Variants in PLXDC2 observed in about 807,000 individuals in gnomAD.
The protein encoded by PLXDC2 is plexin domain containing 2, also known as plexin domain-containing protein 2.
In PLXDC2, 40 loss-of-function variants were observed where a neutral mutation model predicts 68.9. The observed-to-expected ratio is 0.58, with a 90% confidence interval of 0.45 to 0.76. PLXDC2 has a LOEUF of 0.76. Ranked by LOEUF, PLXDC2 falls within the 30% of genes least tolerant of loss-of-function variation. The pLI is 0.00. For synonymous variants in PLXDC2, 243 were observed against 234.2 expected, an observed-to-expected ratio of 1.04 and a Z score of -0.34; for missense variants, 644 against 661.9, an observed-to-expected ratio of 0.97 and a Z score of 0.30.
chr10:20,243,435 A>G (rs921310367), intron 12 of PLXDC2, among the ~76,000 whole-genome samples: 1 of 152,212 alleles, frequency 6.6e-6, no homozygotes, highest in Non-Finnish European at 1.5e-5. Flanking sequence ...TTTCTGTTAC[A>G]TAAGGGAAAT....
rs186946730 is a variant in PLXDC2, at chr10:20,223,335, T to C, written c.1312+4233T>C. ...GAATTTTTTTTTTTTTTTTTTGAGA[T>C]GGAGTCTCGCACTGTCCCCCCGGCT... On this transcript the variant is annotated intron_variant, in intron 12 of 13. Transcript: ENST00000377252. Among the ~76,000 whole-genome samples the C allele has an allele frequency of 5.4e-4, 70 of 129,924 alleles. No homozygotes were observed. In the East Asian group the frequency reaches 0.015, roughly 28 times the overall value. The allele number at this position is 129,924 out of a possible 152,430, so 85.2% of individuals were successfully genotyped here.
At chr10:20,119,567 G>C (rs968943354) in intron 4 of PLXDC2, among the ~76,000 whole-genome samples, 2 of 145,924 alleles carry the variant, frequency 1.4e-5, no homozygotes, top group African/African-American at 4.9e-5. Context: ...AGGTCACAGG[G>C]AATATGATGG....
At chr10:19,824,499 C>A (rs1037356093) in intron 1 of PLXDC2, among the ~76,000 whole-genome samples, 1 of 152,172 alleles carries the variant, frequency 6.6e-6, no homozygotes, top group Non-Finnish European at 1.5e-5. Flanking sequence ...TGAATTCCAG[C>A]CCTTTGGCTT....
chr10:19,820,288 C>T (rs1836439116), intron 1 of PLXDC2, among the ~76,000 whole-genome samples: 1 of 152,154 alleles, frequency 6.6e-6, no homozygotes, highest in African/African-American at 2.4e-5. Context: ...TAATTTTGCT[C>T]CAGACAGGTT....
intron 9 of PLXDC2, among the ~76,000 whole-genome samples, chr10:20,178,168 A>G (rs995151440): frequency 3.9e-5 from 6 of 152,176 alleles, no homozygotes; most frequent in African/African-American, 1.4e-4. Flanking sequence ...GATATAATCT[A>G]ATACAAAAAT....
chr10:20,124,696 G>T (rs974104274), intron 4 of PLXDC2, among the ~76,000 whole-genome samples: 3 of 151,798 alleles, frequency 2.0e-5, no homozygotes, highest in Admixed American at 1.3e-4. Context: ...GGAAAAAGGG[G>T]GTTGTTCTCT....
chr10:20,001,731 T>G (rs1184763192), intron 1 of PLXDC2, 44 bp from the exon 2 acceptor site: 4 of 1,564,758 alleles, frequency 2.6e-6, no homozygotes, highest in Non-Finnish European at 3.5e-6. Context: ...GCATGTATGG[T>G]ACACATAATG....
At chr10:20,271,529 A>G (rs1835940727) in intron 13 of PLXDC2, among the ~76,000 whole-genome samples, 1 of 152,206 alleles carries the variant, frequency 6.6e-6, no homozygotes, top group Non-Finnish European at 1.5e-5. Context: ...ATTCTTTGAC[A>G]CTGGGTGAAC....
At chr10:20,251,879 A>G (rs2119347852) in intron 13 of PLXDC2, among the ~76,000 whole-genome samples, 1 of 152,258 alleles carries the variant, frequency 6.6e-6, no homozygotes, top group South Asian at 2.1e-4. Flanking sequence ...GAAATTGATA[A>G]GAACCTCATG....
intron 1 of PLXDC2, among the ~76,000 whole-genome samples, chr10:19,996,427 A>T (rs912204264): frequency 6.6e-6 from 1 of 152,130 alleles, no homozygotes; most frequent in Non-Finnish European, 1.5e-5. Context: ...ACAAAAAATA[A>T]AATTAAAAAT....
intron 2 of PLXDC2, among the ~76,000 whole-genome samples, chr10:20,013,602 G>C (rs1835153583): frequency 6.6e-6 from 1 of 152,012 alleles, no homozygotes; most frequent in Admixed American, 6.5e-5. Context: ...TACTAGTTCT[G>C]TCATTTAAAA....
chr10:20,196,616 A>G (rs542120678), intron 9 of PLXDC2, among the ~76,000 whole-genome samples: 1 of 152,304 alleles, frequency 6.6e-6, no homozygotes, highest in Non-Finnish European at 1.5e-5. Flanking sequence ...TAGATAGCAG[A>G]GAGAGATACC....
At chr10:20,135,193 C>T (rs186743506) in intron 4 of PLXDC2, among the ~76,000 whole-genome samples, 7 of 152,240 alleles carry the variant, frequency 4.6e-5, no homozygotes, top group East Asian at 1.9e-4. Context: ...TCTACCTGCA[C>T]GATTAAGGCT....
At chr10:19,970,433 T>G in intron 1 of PLXDC2, among the ~76,000 whole-genome samples, 1 of 152,180 alleles carries the variant, frequency 6.6e-6, no homozygotes, top group Non-Finnish European at 1.5e-5. Context: ...CAATAGACAG[T>G]GAATGCCTTC....
At chr10:19,875,362 T>C (rs1295302408) in intron 1 of PLXDC2, among the ~76,000 whole-genome samples, 1 of 152,152 alleles carries the variant, frequency 6.6e-6, no homozygotes, top group African/African-American at 2.4e-5. Flanking sequence ...ATGGATGTAA[T>C]AGAATGCTAT....
chr10:20,146,452 T>G (rs1055331630), intron 5 of PLXDC2, among the ~76,000 whole-genome samples: 1 of 146,960 alleles, frequency 6.8e-6, no homozygotes, highest in Admixed American at 6.7e-5. Context: ...TCTTCCTTTC[T>G]TCCTTCCTTC....
At chr10:19,840,793 G>C (rs1043132613) in intron 1 of PLXDC2, among the ~76,000 whole-genome samples, 1 of 152,054 alleles carries the variant, frequency 6.6e-6, no homozygotes, top group Non-Finnish European at 1.5e-5. Context: ...AGAGAATTTG[G>C]TAAGGAGTGT....
intron 1 of PLXDC2, among the ~76,000 whole-genome samples, chr10:19,960,431 A>C (rs146526112): frequency 6.6e-6 from 1 of 152,108 alleles, no homozygotes; most frequent in African/African-American, 2.4e-5. Context: ...AAACTGGCCA[A>C]ATGAAACAGA....
At chr10:20,216,154 T>A (rs1461355842) in intron 10 of PLXDC2, among the ~76,000 whole-genome samples, 1 of 151,958 alleles carries the variant, frequency 6.6e-6, no homozygotes, top group East Asian at 1.9e-4. Context: ...TTGAAGCTAC[T>A]GAAATGAGTG....
Sources: gnomAD v4.1 joint callset for allele counts (sites outside exome capture counted in the v4.1 genomes callset) on GRCh38, gnomAD v4.1.1 for gene constraint, MANE v1.5 for transcripts, NCBI Gene and HGNC (gene_info 2026-07-23, HGNC 2026-07-21) for gene names.